Variants in RFX8 observed in about 807,000 individuals in gnomAD.
RFX8 encodes the protein regulatory factor X8, also known as DNA-binding protein RFX8.
A neutral mutation model predicts 54.6 loss-of-function variants in RFX8; 46 were observed. That is an observed-to-expected ratio of 0.84 (90% CI 0.67 to 1.08). RFX8 has a LOEUF of 1.08. Ranked by LOEUF, RFX8 falls within the 50% of genes least tolerant of loss-of-function variation. The pLI, the probability that RFX8 is intolerant of heterozygous loss-of-function variation, is 0.00. For synonymous variants in RFX8, 192 were observed against 209.5 expected (o/e 0.92, Z 0.72); for missense variants, 536 against 562.3 (o/e 0.95, Z 0.47).
At chr2:101,427,706 CGGACCCCCAATTT>C (rs1469686153) in intron 2 of RFX8, among the ~76,000 whole-genome samples, 29 of 152,290 alleles carry the variant, frequency 1.9e-4, no homozygotes, top group African/African-American at 6.7e-4. Context: ...GCCCCTCTCC[CGGACCCCCAATTT>C]GGAGTTCCCA....
At chr2:101,403,184 A>G (rs145089061) in intron 10 of RFX8, among the ~76,000 whole-genome samples, 50 of 152,204 alleles carry the variant, frequency 3.3e-4, no homozygotes, top group East Asian at 2.7e-3. Flanking sequence ...TGGTGTTTGA[A>G]ACGTAGCGCC....
intron 2 of RFX8, among the ~76,000 whole-genome samples, chr2:101,460,281 C>A (rs1285575185): frequency 6.6e-6 from 1 of 150,968 alleles, no homozygotes; most frequent in Non-Finnish European, 1.5e-5. Context: ...CAAGATGAAC[C>A]AGGAACCTCA....
chr2:101,466,952 C>A (rs1689607197), intron 1 of RFX8, 52 bp from the exon 2 acceptor site: 2 of 795,300 alleles, frequency 2.5e-6, no homozygotes, highest in Non-Finnish European at 4.3e-6. Flanking sequence ...TTTTCTAGAG[C>A]AAAATATTTT....
rs112793078 is a variant in RFX8 at position 101,423,195 on chromosome 2, T to C, written c.73-723A>G. On this transcript the variant is annotated intron_variant, in intron 2 of 11. Coordinates refer to ENST00000428343, the MANE Select transcript of RFX8 (RefSeq NM_001145664.2). ...ATTGCTTGAGCCCGGGAAATGGAGGTTGCAGTGAGCCAAGATCACGCCACT... is the reference window on the plus strand; with the variant it reads ...ATTGCTTGAGCCCGGGAAATGGAGGCTGCAGTGAGCCAAGATCACGCCACT... Among the ~76,000 whole-genome samples the C allele has an allele frequency of 6.1e-4, 92 of 149,742 alleles. 1 individual carries two copies. The highest frequency in any genetic ancestry group is 1.9e-3 in the African/African-American group (76 of 40,544).
intron 2 of RFX8, among the ~76,000 whole-genome samples, chr2:101,444,279 G>A (rs573187331): frequency 8.9e-4 from 136 of 152,366 alleles, no homozygotes; most frequent in African/African-American, 3.0e-3. Flanking sequence ...AGTGCCAGAA[G>A]AATGAAGCAG....
chr2:101,455,065 C>T (rs192729951), intron 2 of RFX8, among the ~76,000 whole-genome samples: 1 of 148,644 alleles, frequency 6.7e-6, no homozygotes, highest in East Asian at 2.0e-4. Context: ...CCGTGGAGTG[C>T]AATGGCACAA....
At chr2:101,434,733 CA>C (rs11313391) in intron 2 of RFX8, 111,075 of 152,106 alleles carry the variant, frequency 0.73, 41,967 homozygotes, top group Middle Eastern at 0.88. Flanking sequence ...AGACAGCAAC[CA>C]AGGTAATACA....
At chr2:101,407,269 C>T (rs1245602224) in intron 9 of RFX8, among the ~76,000 whole-genome samples, 9 of 152,340 alleles carry the variant, frequency 5.9e-5, no homozygotes, top group Admixed American at 2.6e-4. Context: ...CTTCAGGGGA[C>T]GTGAGGTCCT....
At chr2:101,471,223 A>G (rs1349599993) in intron 1 of RFX8, among the ~76,000 whole-genome samples, 1 of 151,920 alleles carries the variant, frequency 6.6e-6, no homozygotes, top group South Asian at 2.1e-4. Context: ...AATCCCAGCT[A>G]CTCAGGAGGC....
chr2:101,398,310 C>T (rs752633388), intron 11 of RFX8, among the ~76,000 whole-genome samples: 10 of 152,090 alleles, frequency 6.6e-5, no homozygotes, highest in South Asian at 2.1e-4. Flanking sequence ...GAAATGTCCT[C>T]GTGAGAGCAA....
At chr2:101,460,636 C>T (rs76183411) in intron 2 of RFX8, among the ~76,000 whole-genome samples, 3,528 of 151,954 alleles carry the variant, frequency 0.023, 137 homozygotes, top group African/African-American at 0.08. Context: ...AGGGAAGCCA[C>T]GGTATTTGGA....
chr2:101,466,109 C>T (rs888260941), intron 2 of RFX8, among the ~76,000 whole-genome samples: 7 of 152,142 alleles, frequency 4.6e-5, no homozygotes, highest in East Asian at 1.9e-4. Flanking sequence ...GAAATCCACA[C>T]GATTGCTGTG....
At chr2:101,410,202 T>G (rs1430121828) in intron 9 of RFX8, among the ~76,000 whole-genome samples, 1 of 151,196 alleles carries the variant, frequency 6.6e-6, no homozygotes, top group Non-Finnish European at 1.5e-5. Flanking sequence ...CATGCTCACC[T>G]GTACACACAC....
chr2:101,468,069 T>C (rs143616552), intron 1 of RFX8, among the ~76,000 whole-genome samples: 3 of 152,210 alleles, frequency 2.0e-5, no homozygotes, highest in African/African-American at 7.2e-5. Context: ...CTTACTTTCC[T>C]TGGGAACTAA....
At chr2:101,408,260 C>T (rs568277710) in intron 9 of RFX8, among the ~76,000 whole-genome samples, 21 of 152,004 alleles carry the variant, frequency 1.4e-4, no homozygotes, top group African/African-American at 4.6e-4. Context: ...CTGAGGCGGG[C>T]GGATCACGAG....
chr2:101,455,983 G>A (rs1327936310), intron 2 of RFX8, among the ~76,000 whole-genome samples: 1 of 152,134 alleles, frequency 6.6e-6, no homozygotes, highest in African/African-American at 2.4e-5. Context: ...TAGCAATTGT[G>A]TATGGGAGTT....
At chr2:101,437,985 C>A (rs1687877862) in intron 2 of RFX8, among the ~76,000 whole-genome samples, 1 of 152,108 alleles carries the variant, frequency 6.6e-6, no homozygotes, top group South Asian at 2.1e-4. Context: ...GTTTTTTCCA[C>A]TCAGCAAAAT....
intron 11 of RFX8, among the ~76,000 whole-genome samples, chr2:101,398,224 TGGGAGGCTTTGCAAGGCAG>T (rs919475538): frequency 6.6e-6 from 1 of 152,054 alleles, no homozygotes; most frequent in African/African-American, 2.4e-5. Flanking sequence ...GAGGACTCAG[TGGGAGGCTTTGCAAGGCAG>T]GGATGGTGCA....
Position 101,466,246 on chromosome 2 carries a change from T to C in RFX8, c.72+531A>G, listed in dbSNP as rs116121653. Among the ~76,000 whole-genome samples the C allele has an allele frequency of 7.8e-3, 1,182 of 150,646 alleles. 14 individuals are homozygous for C. The highest frequency in any genetic ancestry group is 0.028 in the African/African-American group (1,135 of 40,956). ...CTCATTTGAACCTGGGAGGTGGAGG[T>C]TGCAGTGAGCCAAGATCACGCCATT... On this transcript the variant is annotated intron_variant, in intron 2 of 11. Transcript: ENST00000428343.
Sources: gnomAD v4.1 joint callset for allele counts (sites outside exome capture counted in the v4.1 genomes callset) on GRCh38, gnomAD v4.1.1 for gene constraint, MANE v1.5 for transcripts, NCBI Gene and HGNC (gene_info 2026-07-23, HGNC 2026-07-21) for gene names.